Variants in SLC24A2 observed in about 807,000 individuals in gnomAD.
The protein encoded by SLC24A2 is solute carrier family 24 member 2.
A neutral mutation model predicts 62.0 loss-of-function variants in SLC24A2; 36 were observed. The ratio of observed to expected loss-of-function variants is 0.58; its 90% CI spans 0.44 to 0.77. The LOEUF is 0.77. Ranked by LOEUF, SLC24A2 falls within the 30% of genes least tolerant of loss-of-function variation. SLC24A2 has a pLI of 0.00. For synonymous variants in SLC24A2, 358 were observed against 294.0 expected, an observed-to-expected ratio of 1.22 and a Z score of -2.23; for missense variants, 846 against 817.9, an observed-to-expected ratio of 1.03 and a Z score of -0.42.
the SLC24A2 span, among the ~76,000 whole-genome samples, chr9:19,969,816 G>A: frequency 6.6e-6 from 1 of 152,192 alleles, no homozygotes; most frequent in East Asian, 1.9e-4. Flanking sequence ...TTTGACCTGA[G>A]TCAAACAAAA....
the SLC24A2 span, among the ~76,000 whole-genome samples, chr9:20,028,737 T>A: frequency 6.6e-6 from 1 of 152,204 alleles, no homozygotes; most frequent in Admixed American, 6.5e-5. Flanking sequence ...ATCTCTTGAG[T>A]ACACATCCCC....
At chr9:19,919,806 C>T in the SLC24A2 span, among the ~76,000 whole-genome samples, 7 of 152,104 alleles carry the variant, frequency 4.6e-5, no homozygotes, top group Non-Finnish European at 1.0e-4. Flanking sequence ...ATAAAACCAT[C>T]GTATCTCATG....
chr9:20,133,751 T>C, the SLC24A2 span, among the ~76,000 whole-genome samples: 1 of 152,178 alleles, frequency 6.6e-6, no homozygotes, highest in East Asian at 1.9e-4. Context: ...TGAATCAGGG[T>C]AAGTGGTTTA....
intron 4 of SLC24A2, among the ~76,000 whole-genome samples, chr9:19,605,215 T>G (rs926909994): frequency 6.6e-6 from 1 of 152,238 alleles, no homozygotes; most frequent in African/African-American, 2.4e-5. Flanking sequence ...GGCCTAAGAA[T>G]GTTTCACCAG....
At chr9:19,569,871 G>A (rs1440996410) in intron 7 of SLC24A2, among the ~76,000 whole-genome samples, 1 of 152,110 alleles carries the variant, frequency 6.6e-6, no homozygotes, top group Non-Finnish European at 1.5e-5. Context: ...GTTTATTTCT[G>A]CCTTTGTGGG....
chr9:19,855,785 G>A, the SLC24A2 span, among the ~76,000 whole-genome samples: 1 of 152,044 alleles, frequency 6.6e-6, no homozygotes, highest in East Asian at 1.9e-4. Context: ...TTCTCATGGA[G>A]TATTTTACCA....
chr9:19,557,230 C>G (rs1835139385), intron 7 of SLC24A2, among the ~76,000 whole-genome samples: 1 of 152,168 alleles, frequency 6.6e-6, no homozygotes, highest in Non-Finnish European at 1.5e-5. Context: ...GGATTCTCAG[C>G]TTTGTTTTGT....
the SLC24A2 span, among the ~76,000 whole-genome samples, chr9:19,906,470 C>G: frequency 1.3e-5 from 2 of 151,788 alleles, no homozygotes; most frequent in African/African-American, 4.8e-5. Context: ...CAAGAAATAA[C>G]TAAGATCAGA....
chr9:19,847,613 T>C, the SLC24A2 span, among the ~76,000 whole-genome samples: 1 of 152,134 alleles, frequency 6.6e-6, no homozygotes, highest in African/African-American at 2.4e-5. Flanking sequence ...TACCAATAAG[T>C]AGATCTCCAC....
intron 2 of SLC24A2, among the ~76,000 whole-genome samples, chr9:19,686,106 G>C (rs1307054301): frequency 6.6e-6 from 1 of 152,076 alleles, no homozygotes; most frequent in African/African-American, 2.4e-5. Flanking sequence ...CAAAGGACAT[G>C]AACAGACACT....
At chr9:20,157,339 A>T in the SLC24A2 span, among the ~76,000 whole-genome samples, 1 of 151,686 alleles carries the variant, frequency 6.6e-6, no homozygotes, top group Non-Finnish European at 1.5e-5. Flanking sequence ...ACAAGAAATA[A>T]CACTAATTTT....
chr9:19,535,187 G>C (rs1833898357), intron 8 of SLC24A2, among the ~76,000 whole-genome samples: 1 of 152,026 alleles, frequency 6.6e-6, no homozygotes, highest in Non-Finnish European at 1.5e-5. Context: ...CATATCCTTT[G>C]CCCACTTTTT....
intron 7 of SLC24A2, among the ~76,000 whole-genome samples, chr9:19,564,707 C>G (rs1410913523): frequency 6.6e-6 from 1 of 152,128 alleles, no homozygotes; most frequent in Non-Finnish European, 1.5e-5. Flanking sequence ...AAAACTGCAA[C>G]ACATAAAAAG....
the SLC24A2 span, among the ~76,000 whole-genome samples, chr9:19,944,298 A>G: frequency 2.0e-5 from 3 of 152,190 alleles, no homozygotes; most frequent in African/African-American, 7.2e-5. Context: ...ATCAAAGTTT[A>G]AAAGCCACTT....
the SLC24A2 span, among the ~76,000 whole-genome samples, chr9:19,945,352 G>A: frequency 6.6e-6 from 1 of 152,048 alleles, no homozygotes; most frequent in Non-Finnish European, 1.5e-5. Context: ...ATAAAAGATT[G>A]AGCAGGGAAG....
chr9:19,797,441 T>G, the SLC24A2 span, among the ~76,000 whole-genome samples: 1 of 152,214 alleles, frequency 6.6e-6, no homozygotes, highest in Non-Finnish European at 1.5e-5. Flanking sequence ...TGGTGTCTGT[T>G]AATAATTACG....
the SLC24A2 span, among the ~76,000 whole-genome samples, chr9:20,102,848 G>C: frequency 6.6e-6 from 1 of 152,160 alleles, no homozygotes; most frequent in African/African-American, 2.4e-5. Context: ...AGTGGGCGCA[G>C]GACAGTAGGT....
the SLC24A2 span, among the ~76,000 whole-genome samples, chr9:20,031,351 T>TTATATA: frequency 3.0e-4 from 42 of 141,640 alleles, no homozygotes; most frequent in African/African-American, 9.1e-4. Flanking sequence ...TACACACACT[T>TTATATA]TATATATATA....
At chr9:20,084,837 A>C in the SLC24A2 span, among the ~76,000 whole-genome samples, 1 of 152,214 alleles carries the variant, frequency 6.6e-6, no homozygotes, top group East Asian at 1.9e-4. Context: ...AAAAAGAAAA[A>C]AAATTCTTCT....
Sources: allele counts gnomAD v4.1 joint callset (sites outside exome capture counted in the v4.1 genomes callset), GRCh38; gene constraint gnomAD v4.1.1; transcripts MANE v1.5; gene names NCBI Gene and HGNC (gene_info 2026-07-23, HGNC 2026-07-21).